USP47: variants seen among roughly 807,000 people sequenced by gnomAD.
USP47 encodes ubiquitin specific peptidase 47.
Under a neutral mutation model 165.1 loss-of-function variants are expected in USP47, and 35 were observed. The ratio of observed to expected loss-of-function variants is 0.21; its 90% CI spans 0.16 to 0.28. The LOEUF (loss-of-function observed/expected upper bound fraction) is 0.28. Among genes scored for constraint, USP47 ranks in the 10% least tolerant of loss-of-function variants. The pLI is 1.00. For missense variants in USP47, 1,277 were observed against 1,607.4 expected (o/e 0.79, Z 3.52); for synonymous variants, 531 against 544.5 (o/e 0.98, Z 0.35).
At position 11,959,049 on chromosome 11, in the gene USP47, T is replaced by C. The variant is rs1464293680; in HGVS notation, c.*2874T>C. On this transcript the variant is annotated 3_prime_UTR_variant, in exon 28 of 28. Coordinates refer to ENST00000527733, the MANE Select transcript of USP47 (RefSeq NM_001282659.2). ...AGAGAGCTACCAACTTACACTGTGG[T>C]TTAAGCTAAATGACCGCACAGCATC... The C allele has an allele frequency of 6.6e-6, 1 of 152,190 alleles. No individual in the cohort carries two copies. The highest frequency in any genetic ancestry group is 2.4e-5 in the African/African-American group (1 of 41,456). 9.4% of individuals were successfully genotyped at this position (152,190 alleles called of 1,614,324 possible).
rs576104572 is a variant in USP47, at chr11:11,952,849, G to A, written c.3692G>A (p.Ser1231Asn). Reference sequence around the variant, plus strand: ...CAGGAGGTTGTATTGGAAAGCAGTAGTGTGGACGAATTGCGAGAGAAGGTA... The same window carrying A: ...CAGGAGGTTGTATTGGAAAGCAGTAATGTGGACGAATTGCGAGAGAAGGTA... ...PFQEVVLESS[S>N]VDELREKLSE... Residue 1231 changes from serine to asparagine, a missense_variant, in exon 25 of 28, where the codon AGT becomes AAT. Transcript: ENST00000527733. 104 of 1,607,212 alleles carry A rather than the reference G, an allele frequency of 6.5e-5. No homozygotes were observed. The South Asian group carries it at 1.1e-3, about 17-fold the overall frequency.
intron 1 of USP47, among the ~76,000 whole-genome samples, chr11:11,872,893 T>A (rs1850160681): frequency 1.3e-5 from 2 of 152,178 alleles, no homozygotes; most frequent in Admixed American, 1.3e-4. Flanking sequence ...TAAATTATGG[T>A]TTGTCTATAT....
Position 11,909,385 on chromosome 11 carries a change from T to A in USP47, c.969+3837T>A, listed in dbSNP as rs566434786. 3.0e-4 allele frequency among the ~76,000 whole-genome samples: 46 copies of A among 152,320 alleles called. No individual in the cohort carries two copies. In the South Asian group the frequency reaches 8.9e-3, roughly 29 times the overall value. Reference sequence around the variant, plus strand: ...GCTTATTGCCAACCCCATGTGAGAATGTATTAAATAAGGAGATAGTTCTAA... The same window carrying A: ...GCTTATTGCCAACCCCATGTGAGAAAGTATTAAATAAGGAGATAGTTCTAA... On this transcript the variant is annotated intron_variant, in intron 8 of 27. Coordinates refer to ENST00000527733, the MANE Select transcript of USP47 (RefSeq NM_001282659.2).
At position 11,949,793 on chromosome 11, in the gene USP47, CA is replaced by C. The variant is rs1331332144; in HGVS notation, c.3349-93del. The C allele has an allele frequency of 3.7e-6, 3 of 807,644 alleles. No homozygotes were observed. The African/African-American group carries it at 5.4e-5, about 15-fold the overall frequency. 50.0% of individuals were successfully genotyped at this position (807,644 alleles called of 1,614,324 possible). On this transcript the variant is annotated intron_variant, in intron 22 of 27. Coordinates refer to ENST00000527733, the MANE Select transcript of USP47 (RefSeq NM_001282659.2). ...ACTCTGAAACTCAGGCCCTTAATTG[CA>C]AATAAAATGTTTTGGTAATTTTTAT...
intron 8 of USP47, among the ~76,000 whole-genome samples, chr11:11,917,693 A>G (rs1006903833): frequency 2.0e-5 from 3 of 152,128 alleles, no homozygotes; most frequent in African/African-American, 7.2e-5. Flanking sequence ...ACAAAACTAT[A>G]AATGCAAAAG....
chr11:11,908,796 C>T (rs1034005962), intron 8 of USP47, among the ~76,000 whole-genome samples: 2 of 152,012 alleles, frequency 1.3e-5, no homozygotes, highest in East Asian at 3.8e-4. Context: ...CATCCAAGTA[C>T]GGAATCAATA....
At chr11:11,861,865 A>G (rs1159388225) in intron 1 of USP47, among the ~76,000 whole-genome samples, 3 of 152,210 alleles carry the variant, frequency 2.0e-5, no homozygotes, top group Non-Finnish European at 2.9e-5. Context: ...TGTAATTTAT[A>G]ACATGTTTAT....
intron 1 of USP47, among the ~76,000 whole-genome samples, chr11:11,876,230 T>A (rs1477959672): frequency 6.9e-6 from 1 of 145,360 alleles, no homozygotes; most frequent in African/African-American, 2.6e-5. Context: ...ATTTTACACT[T>A]GTTTTCTCTT....
Position 11,948,522 on chromosome 11 carries a change from A to T in USP47, c.3312A>T (p.Arg1104Ser). 1 of 1,613,054 alleles carries T rather than the reference A, an allele frequency of 6.2e-7. No individual in the cohort carries two copies. Among genetic ancestry groups the T allele is most frequent in the South Asian group, 1.1e-5 (1 of 91,044 alleles). The change falls in exon 22 of 28, where the codon AGA becomes AGT. Residue 1104 changes from arginine (R) to serine (S), a missense_variant. Physicochemically the swap from Arg to Ser is moderately radical, Grantham distance 110. Transcript: ENST00000527733. ...GAGCACTTAAAAAAGGAGAATACAGAGTTAAAGTATACCAGCTTTTGGTCA... is the reference window on the plus strand; with the variant it reads ...GAGCACTTAAAAAAGGAGAATACAGTGTTAAAGTATACCAGCTTTTGGTCA... ...LGRALKKGEY[R>S]VKVYQLLVNE...
chr11:11,862,597 A>AT (rs1393272599), intron 1 of USP47, among the ~76,000 whole-genome samples: 2 of 152,292 alleles, frequency 1.3e-5, no homozygotes, highest in East Asian at 3.9e-4. Context: ...GGAAAATAAA[A>AT]TTTTTTGAGA....
At chr11:11,948,261 TTTG>T (rs1855980931) in intron 21 of USP47, 141 bp downstream of exon 21, 6 of 1,059,176 alleles carry the variant, frequency 5.7e-6, no homozygotes, top group Non-Finnish European at 7.9e-6. Flanking sequence ...TGGGGGGTTT[TTTG>T]TTGTTATTTT....
intron 20 of USP47, 100 bp downstream of exon 20, chr11:11,943,212 C>G: frequency 7.6e-7 from 1 of 1,314,618 alleles, no homozygotes. Flanking sequence ...GTTCTAAGAT[C>G]ATTTGTAACT....
chr11:11,935,638 T>C (rs976169347), intron 16 of USP47, among the ~76,000 whole-genome samples: 14 of 152,008 alleles, frequency 9.2e-5, no homozygotes, highest in African/African-American at 3.4e-4. Flanking sequence ...GAACATTGAA[T>C]ACTTCTAAGC....
At chr11:11,939,955 T>G (rs1336191598) in intron 18 of USP47, among the ~76,000 whole-genome samples, 1 of 152,008 alleles carries the variant, frequency 6.6e-6, no homozygotes, top group East Asian at 1.9e-4. Context: ...TCAGAAAAAC[T>G]TAAAATTTTC....
At chr11:11,955,893 A>T (rs949196793) in intron 27 of USP47, 108 bp from the exon 28 acceptor site, 1 of 869,840 alleles carries the variant, frequency 1.1e-6, no homozygotes, top group Non-Finnish European at 1.7e-6. Context: ...TTACTTCACC[A>T]GTAACAGATT....
At chr11:11,949,215 T>TA (rs1220950724) in intron 22 of USP47, 1 of 152,156 alleles carries the variant, frequency 6.6e-6, no homozygotes, top group African/African-American at 2.4e-5. Context: ...AAGGGGTCAA[T>TA]AAAATATTTT....
chr11:11,893,616 G>C (rs1430162382), intron 4 of USP47, among the ~76,000 whole-genome samples: 2 of 152,030 alleles, frequency 1.3e-5, no homozygotes, highest in Non-Finnish European at 2.9e-5. Flanking sequence ...AATTTTTGTA[G>C]AGATGAGGTC....
intron 1 of USP47, among the ~76,000 whole-genome samples, chr11:11,849,614 A>G (rs527930583): frequency 2.6e-5 from 4 of 152,302 alleles, no homozygotes; most frequent in Non-Finnish European, 2.9e-5. Context: ...GCTCTTTCCC[A>G]GGGCCTTCTG....
chr11:11,873,614 C>A (rs545968250), intron 1 of USP47, among the ~76,000 whole-genome samples: 1 of 152,060 alleles, frequency 6.6e-6, no homozygotes, highest in South Asian at 2.1e-4. Flanking sequence ...TCTTTATCAC[C>A]TCTTTATCAT....
Sources: gnomAD v4.1 joint callset for allele counts (sites outside exome capture counted in the v4.1 genomes callset) on GRCh38, gnomAD v4.1.1 for gene constraint, MANE v1.5 for transcripts, NCBI Gene and HGNC (gene_info 2026-07-23, HGNC 2026-07-21) for gene names.